KCTD16: variants seen among roughly 807,000 people sequenced by gnomAD.
The protein encoded by KCTD16 is BTB/POZ domain-containing protein KCTD16.
A neutral mutation model predicts 33.2 loss-of-function variants in KCTD16; 13 were observed. The ratio of observed to expected loss-of-function variants is 0.39; its 90% CI spans 0.25 to 0.62. The LOEUF is 0.62. Ranked by LOEUF, KCTD16 falls within the 20% of genes least tolerant of loss-of-function variation. The probability of loss-of-function intolerance (pLI) is 0.50; values close to 1 mark genes in which losing one functional copy is unlikely to be tolerated. For synonymous variants in KCTD16, 197 were observed against 195.3 expected (o/e 1.01, Z -0.07); for missense variants, 441 against 525.1 (o/e 0.84, Z 1.57).
chr5:144,185,676 C>A (rs910441207), intron 2 of KCTD16, among the ~76,000 whole-genome samples: 11 of 151,960 alleles, frequency 7.2e-5, no homozygotes, highest in African/African-American at 2.2e-4. Flanking sequence ...ACTAGACACC[C>A]ATTTACATTT....
chr5:144,424,855 A>G (rs1292958083), intron 3 of KCTD16, among the ~76,000 whole-genome samples: 1 of 152,174 alleles, frequency 6.6e-6, no homozygotes, highest in Non-Finnish European at 1.5e-5. Context: ...ACCTCTTAAT[A>G]TAGTCACAAT....
chr5:144,270,533 A>G (rs897217299), intron 3 of KCTD16, among the ~76,000 whole-genome samples: 3 of 151,828 alleles, frequency 2.0e-5, no homozygotes, highest in African/African-American at 7.2e-5. Flanking sequence ...AAGCATTGTA[A>G]GAAGAAATTT....
At chr5:144,298,447 C>T (rs1022234787) in intron 3 of KCTD16, among the ~76,000 whole-genome samples, 1 of 152,188 alleles carries the variant, frequency 6.6e-6, no homozygotes, top group Non-Finnish European at 1.5e-5. Flanking sequence ...CTGGTTCTGC[C>T]AGCCAGATGG....
intron 3 of KCTD16, among the ~76,000 whole-genome samples, chr5:144,266,268 T>A (rs1237789388): frequency 6.6e-6 from 1 of 152,126 alleles, no homozygotes; most frequent in East Asian, 1.9e-4. Flanking sequence ...ATCTGGCACC[T>A]GGGGGAAATA....
At chr5:144,391,756 A>C (rs1227854107) in intron 3 of KCTD16, among the ~76,000 whole-genome samples, 1 of 152,258 alleles carries the variant, frequency 6.6e-6, no homozygotes, top group African/African-American at 2.4e-5. Context: ...AAGTGTAAAC[A>C]AAGGCATAAA....
At chr5:144,467,912 ACTTTTC>A (rs1383624526) in intron 3 of KCTD16, among the ~76,000 whole-genome samples, 2 of 152,038 alleles carry the variant, frequency 1.3e-5, no homozygotes, top group Admixed American at 1.3e-4. Flanking sequence ...GGCTAACTAC[ACTTTTC>A]CTTTGCCCAG....
At chr5:144,432,343 C>T (rs944309682) in intron 3 of KCTD16, among the ~76,000 whole-genome samples, 2 of 151,990 alleles carry the variant, frequency 1.3e-5, no homozygotes, top group Non-Finnish European at 2.9e-5. Context: ...TCACTACAAC[C>T]CTTTAAGAAA....
At chr5:144,267,399 G>A (rs1237642640) in intron 3 of KCTD16, among the ~76,000 whole-genome samples, 2 of 152,052 alleles carry the variant, frequency 1.3e-5, no homozygotes, top group Non-Finnish European at 2.9e-5. Flanking sequence ...GAAAGACTGG[G>A]GCATGGGAAG....
chr5:144,268,644 A>G (rs1561548441), intron 3 of KCTD16, among the ~76,000 whole-genome samples: 1 of 152,220 alleles, frequency 6.6e-6, no homozygotes, highest in East Asian at 1.9e-4. Context: ...TTATCAGTTT[A>G]TTAGATTCAA....
At position 144,297,773 on chromosome 5, in the gene KCTD16, C is replaced by T. The variant is rs369855072; in HGVS notation, c.832+90227C>T. Among the ~76,000 whole-genome samples, 14 of 152,284 alleles carry T rather than the reference C, an allele frequency of 9.2e-5. No homozygotes were observed. In the South Asian group the frequency reaches 2.9e-3, roughly 32 times the overall value. ...AAAGAAATAGCCAATTATCTATCGC[C>T]TGAGAGCACAGCGGGAGGGACAAAG... is the stretch of plus-strand genomic sequence containing the variant. On this transcript the variant is annotated intron_variant, in intron 3 of 3. Coordinates refer to ENST00000512467, the MANE Select transcript of KCTD16 (RefSeq NM_020768.4).
chr5:144,459,538 C>T (rs1200468176), intron 3 of KCTD16, among the ~76,000 whole-genome samples: 1 of 151,838 alleles, frequency 6.6e-6, no homozygotes, highest in East Asian at 2.0e-4. Context: ...TTAGTAGAGA[C>T]AAGGTTTCAC....
chr5:144,289,849 CTT>C (rs1252024797), intron 3 of KCTD16, among the ~76,000 whole-genome samples: 1 of 151,874 alleles, frequency 6.6e-6, no homozygotes, highest in Admixed American at 6.6e-5. Context: ...AAATTAAACT[CTT>C]ATTTCTGGAA....
chr5:144,459,345 G>T (rs1478394144), intron 3 of KCTD16, among the ~76,000 whole-genome samples: 1 of 151,908 alleles, frequency 6.6e-6, no homozygotes, highest in African/African-American at 2.4e-5. Context: ...CTATAATCCA[G>T]ACTGGAAGTT....
chr5:144,334,478 G>A (rs1304304876), intron 3 of KCTD16, among the ~76,000 whole-genome samples: 4 of 152,170 alleles, frequency 2.6e-5, no homozygotes, highest in African/African-American at 9.7e-5. Flanking sequence ...TTCTAAACCA[G>A]TGAACCATTT....
At chr5:144,381,966 G>A (rs1417339122) in intron 3 of KCTD16, among the ~76,000 whole-genome samples, 1 of 151,958 alleles carries the variant, frequency 6.6e-6, no homozygotes, top group Non-Finnish European at 1.5e-5. Flanking sequence ...CAAAGATATG[G>A]AATCAACCTA....
At chr5:144,247,270 T>C (rs950907237) in intron 3 of KCTD16, among the ~76,000 whole-genome samples, 1 of 152,194 alleles carries the variant, frequency 6.6e-6, no homozygotes, top group Non-Finnish European at 1.5e-5. Context: ...ACATTGAAGC[T>C]TCTGCTTTGT....
At chr5:144,422,073 T>C (rs1753225011) in intron 3 of KCTD16, among the ~76,000 whole-genome samples, 1 of 152,174 alleles carries the variant, frequency 6.6e-6, no homozygotes, top group Admixed American at 6.6e-5. Flanking sequence ...ATACTCTGAC[T>C]CTTAAATGTC....
intron 2 of KCTD16, among the ~76,000 whole-genome samples, chr5:144,188,616 C>T (rs542954620): frequency 2.0e-5 from 3 of 152,246 alleles, no homozygotes; most frequent in African/African-American, 7.2e-5. Flanking sequence ...GACTATAAAT[C>T]AAATGTAATA....
At chr5:144,223,169 G>A (rs1753817110) in intron 3 of KCTD16, among the ~76,000 whole-genome samples, 1 of 152,098 alleles carries the variant, frequency 6.6e-6, no homozygotes, top group South Asian at 2.1e-4. Context: ...GGGAGGGATA[G>A]CATTAGGAGA....
Sources: allele counts gnomAD v4.1 joint callset (sites outside exome capture counted in the v4.1 genomes callset), GRCh38; gene constraint gnomAD v4.1.1; transcripts MANE v1.5; gene names NCBI Gene and HGNC (gene_info 2026-07-23, HGNC 2026-07-21).